SLC13A5: variants seen among roughly 807,000 people sequenced by gnomAD.
SLC13A5 encodes solute carrier family 13 member 5.
Under a neutral mutation model 56.5 loss-of-function variants are expected in SLC13A5, and 25 were observed. The ratio of observed to expected loss-of-function variants is 0.44; its 90% CI spans 0.32 to 0.62. SLC13A5 has a LOEUF of 0.62. SLC13A5 is among the 20% of genes least tolerant of loss of function. SLC13A5 has a pLI of 0.04. For missense variants in SLC13A5, 649 were observed against 737.8 expected (o/e 0.88, Z 1.39); for synonymous variants, 307 against 301.5 (o/e 1.02, Z -0.19).
intron 6 of SLC13A5, among the ~76,000 whole-genome samples, chr17:6,699,493 CAG>C (rs1363773839): frequency 3.3e-5 from 5 of 151,934 alleles, no homozygotes; most frequent in Non-Finnish European, 7.4e-5. Context: ...TGTTTTGAGA[CAG>C]AGTCTTGCTC....
chr17:6,710,105 A>G (rs1354063583), intron 1 of SLC13A5, among the ~76,000 whole-genome samples: 1 of 152,128 alleles, frequency 6.6e-6, no homozygotes, highest in Non-Finnish European at 1.5e-5. Context: ...GACAGATATG[A>G]TTGGCGCCCA....
chr17:6,704,975 C>G (rs1046219350), intron 3 of SLC13A5: 1 of 152,374 alleles, frequency 6.6e-6, no homozygotes, highest in Non-Finnish European at 1.5e-5. Context: ...CCCCAGCTGT[C>G]CAAGGCTAGG....
At chr17:6,706,480 G>A (rs2151497779) in intron 3 of SLC13A5, among the ~76,000 whole-genome samples, 162 bp downstream of exon 3, 1 of 152,280 alleles carries the variant, frequency 6.6e-6, no homozygotes, top group South Asian at 2.1e-4. Context: ...GCATGCATCT[G>A]GTCTCTCCCA....
rs560012373 is a variant in SLC13A5, at chr17:6,692,615, C to G, written c.1275+429G>C. Among the ~76,000 whole-genome samples, 12 of 152,306 alleles carry G rather than the reference C, an allele frequency of 7.9e-5. No individual in the cohort carries two copies. The South Asian group carries it at 2.5e-3, about 32-fold the overall frequency. ...AACATGTTCCTCACCTCCTACGCTGCTACATACTTAGCTAAAGAAAAATTT... is the reference window on the plus strand; with the variant it reads ...AACATGTTCCTCACCTCCTACGCTGGTACATACTTAGCTAAAGAAAAATTT... On this transcript the variant is annotated intron_variant, in intron 9 of 11. Transcript: ENST00000433363. The surrounding 1 kb of genome is among the most constrained non-coding windows in gnomAD (Gnocchi z 5.5).
At position 6,711,963 on chromosome 17, in the gene SLC13A5, C is replaced by A. The variant is rs1414591549; in HGVS notation, c.102+1269G>T. Among the ~76,000 whole-genome samples, 2 of 152,150 alleles carry A rather than the reference C, an allele frequency of 1.3e-5. No individual in the cohort carries two copies. Among genetic ancestry groups the A allele is most frequent in the Non-Finnish European group, 2.9e-5 (2 of 68,016 alleles). ...GTCCTTGACCCATCCAGGGCCTGTG[C>A]TAGGCCCACCCAAGGGCTCCTCCCA... On this transcript the variant is annotated intron_variant, in intron 1 of 11. Coordinates refer to ENST00000433363, the MANE Select transcript of SLC13A5 (RefSeq NM_177550.5). The surrounding 1 kb of genome is among the most constrained non-coding windows in gnomAD (Gnocchi z 4.0).
chr17:6,700,422 G>A (rs1287256461), intron 6 of SLC13A5, among the ~76,000 whole-genome samples: 1 of 152,228 alleles, frequency 6.6e-6, no homozygotes, highest in Non-Finnish European at 1.5e-5. Flanking sequence ...AACTCCCCGT[G>A]CATTGAGGCA....
At position 6,694,201 on chromosome 17, in the gene SLC13A5, G is replaced by T. The variant is rs763014412; in HGVS notation, c.1056-4C>A. The T allele has an allele frequency of 1.4e-5, 23 of 1,589,352 alleles. No homozygotes were observed. Among genetic ancestry groups the T allele is most frequent in the Non-Finnish European group, 2.0e-5 (23 of 1,158,262 alleles). On this transcript the variant is annotated splice_region_variant and splice_polypyrimidine_tract_variant and intron_variant, in intron 7 of 11. Transcript: ENST00000433363. ...CACAGTGGCATCGGAGACATACCTA[G>T]GTGGGGAAAAGCACAGCTCATCTGC...
Position 6,706,725 on chromosome 17 carries a change from G to C in SLC13A5, c.285C>G (p.Ile95Met). ...TCCAGCGCTCCACAGCCACGGCCAC[G>C]ATGAGGCCGCCCAGGAACAGCATGT... ...DTNMLFLGGL[I>M]VAVAVERWNL... The change falls in exon 3 of 12, where the codon ATC becomes ATG. Residue 95 changes from isoleucine to methionine, a missense_variant. By Grantham distance (10) the Ile-to-Met change is conservative. Coordinates refer to ENST00000433363, the MANE Select transcript of SLC13A5 (RefSeq NM_177550.5). The C allele has an allele frequency of 6.2e-7, 1 of 1,614,046 alleles. No homozygotes were observed. The highest frequency in any genetic ancestry group is 8.5e-7 in the Non-Finnish European group (1 of 1,179,998).
In SLC13A5 at chr17:6,695,898, C is replaced by G. The variant is rs749077002; in HGVS notation, c.883G>C (p.Glu295Gln). 1.9e-6 allele frequency: 3 copies of G among 1,613,992 alleles called. No individual in the cohort carries two copies. Among genetic ancestry groups the G allele is most frequent in the African/African-American group, 2.7e-5 (2 of 74,922 alleles). Residue 295 changes from glutamate to glutamine, a missense_variant, in exon 7 of 12, where the codon GAG becomes CAG. Transcript: ENST00000433363. ...TGCAGCACCTTGAGGGCAGCCTTCT[C>G]GTTTTTCTTGCTCTCTAGCCCGCAG... ...WGCGLESKKN[E>Q]KAALKVLQEE... is the part of the protein sequence containing the mutation.
chr17:6,686,542 G>T, intron 11 of SLC13A5: 1 of 590,480 alleles, frequency 1.7e-6, no homozygotes, highest in Non-Finnish European at 3.0e-6. Flanking sequence ...AGTAGGCAGA[G>T]TGGATGGGTT....
At position 6,711,763 on chromosome 17, in the gene SLC13A5, A is replaced by G. The variant is rs1471618007; in HGVS notation, c.102+1469T>C. On this transcript the variant is annotated intron_variant, in intron 1 of 11. Transcript: ENST00000433363. The surrounding 1 kb of genome is among the most constrained non-coding windows in gnomAD (Gnocchi z 4.0). ...GTCTCCTGTGGCAGGAAGGTCAGCC[A>G]AGCTACTATAATCATTCCAGGGAAC... 6.6e-6 allele frequency among the ~76,000 whole-genome samples: 1 copy of G among 151,906 alleles called. No homozygotes were observed. The highest frequency in any genetic ancestry group is 1.9e-4 in the East Asian group (1 of 5,178).
At chr17:6,706,880 G>A (rs892995192) in intron 2 of SLC13A5, 102 bp from the exon 3 acceptor site, 17 of 1,564,690 alleles carry the variant, frequency 1.1e-5, no homozygotes, top group East Asian at 2.3e-5. Context: ...GAGTGGGGAT[G>A]CAGGCTCGAG....
At position 6,687,285 on chromosome 17, in the gene SLC13A5, G is replaced by A. The variant is rs1257309229; in HGVS notation, c.1575+244C>T. 2 of 490,212 alleles carry A rather than the reference G, an allele frequency of 4.1e-6. No homozygotes were observed. Among genetic ancestry groups the A allele is most frequent in the African/African-American group, 2.0e-5 (1 of 49,770 alleles). The allele number at this position is 490,212 out of a possible 1,614,324, so 30.4% of individuals were successfully genotyped here. A position where few individuals can be genotyped will look rare whatever the true frequency, so the allele number is the denominator to read the frequency against. ...AAGGACTCCCCTGGTGCCTGCACAG[G>A]CTTCTCCAGGTGGGAGAGTCTATAA... On this transcript the variant is annotated intron_variant, in intron 11 of 11. Transcript: ENST00000433363. The surrounding 1 kb of genome is among the most constrained non-coding windows in gnomAD (Gnocchi z 5.0).
chr17:6,707,873 C>T (rs560050094), intron 1 of SLC13A5, among the ~76,000 whole-genome samples: 5 of 152,048 alleles, frequency 3.3e-5, no homozygotes, highest in South Asian at 4.2e-4. Context: ...TTCATGTAAC[C>T]GAAAACTACG....
At chr17:6,705,175 A>AT (rs1487837704) in intron 3 of SLC13A5, 1 of 152,210 alleles carries the variant, frequency 6.6e-6, no homozygotes, top group African/African-American at 2.4e-5. Context: ...CCAAAAAAAA[A>AT]CAAAGCCCGG....
intron 3 of SLC13A5, chr17:6,704,398 T>C: frequency 2.3e-6 from 1 of 431,788 alleles, no homozygotes. Flanking sequence ...GGCATCCAGA[T>C]GGTGCCAACT....
chr17:6,710,202 T>C (rs977925738), intron 1 of SLC13A5, among the ~76,000 whole-genome samples: 5 of 152,248 alleles, frequency 3.3e-5, no homozygotes, highest in Non-Finnish European at 7.3e-5. Flanking sequence ...ATCAGAATGA[T>C]GCCTCCAGGG....
Position 6,713,367 on chromosome 17 carries a change from G to A in SLC13A5, c.-34C>T. 6.3e-7 allele frequency: 1 copy of A among 1,597,240 alleles called. No individual in the cohort carries two copies. The highest frequency in any genetic ancestry group is 8.6e-7 in the Non-Finnish European group (1 of 1,166,560). ...AGGGAGACTGGCGGGCGAGACGAGT[G>A]AGGGGCAGCTAGAGGCGCCGCGGGC... is the stretch of plus-strand genomic sequence containing the variant. On this transcript the variant is annotated 5_prime_UTR_variant, in exon 1 of 12. Coordinates refer to ENST00000433363, the MANE Select transcript of SLC13A5 (RefSeq NM_177550.5). This position sits in a 1 kb window ranked among gnomAD's most constrained non-coding sequence, Gnocchi z 7.3.
chr17:6,713,314 T>A lies in SLC13A5; in HGVS notation c.20A>T (p.Tyr7Phe). Reference sequence around the variant, plus strand: ...CACGAAGGACTTGAACTTGGAGACATAGCTCAGCGCCGAGGCCATCGCGCG... The same window carrying A: ...CACGAAGGACTTGAACTTGGAGACAAAGCTCAGCGCCGAGGCCATCGCGCG... MASALS[Y>F]VSKFKSFVIL... Residue 7 changes from tyrosine (Y) to phenylalanine (F), a missense_variant, in exon 1 of 12, where the codon TAT becomes TTT. Transcript: ENST00000433363. The surrounding 1 kb of genome is among the most constrained non-coding windows in gnomAD (Gnocchi z 7.3). The A allele has an allele frequency of 6.2e-7, 1 of 1,613,792 alleles. No individual in the cohort carries two copies. The highest frequency in any genetic ancestry group is 1.1e-5 in the South Asian group (1 of 91,082).
Sources: allele counts gnomAD v4.1 joint callset (sites outside exome capture counted in the v4.1 genomes callset), GRCh38; gene constraint gnomAD v4.1.1; non-coding constraint Gnocchi (gnomAD v3.1); transcripts MANE v1.5; gene names NCBI Gene and HGNC (gene_info 2026-07-23, HGNC 2026-07-21).